The following IGF2R variants were observed in gnomAD, a reference collection of about 807,000 sequenced individuals.
The protein encoded by IGF2R is insulin like growth factor 2 receptor, also known as cation-independent mannose-6-phosphate receptor.
A neutral mutation model predicts 270.6 loss-of-function variants in IGF2R; 91 were observed. The observed-to-expected ratio is 0.34, with a 90% CI of 0.28 to 0.40. The LOEUF (loss-of-function observed/expected upper bound fraction) is 0.40. Among genes scored for constraint, IGF2R ranks in the 10% least tolerant of loss-of-function variants. IGF2R has a pLI of 1.00. For missense variants in IGF2R, 2,805 were observed against 3,188.3 expected, an observed-to-expected ratio of 0.88 and a Z score of 2.90; for synonymous variants, 1,316 against 1,258.9, an observed-to-expected ratio of 1.05 and a Z score of -0.96.
chr6:160,080,153 T>G lies in IGF2R; in HGVS notation c.5711T>G (p.Val1904Gly). ...PPETDDGVPC[V>G]FPFIFNGKSY... ...GAAACCGATGACGGCGTCCCCTGTGTCTTCCCCTTCATATTCAATGGGAAG... is the reference window on the plus strand; with the variant it reads ...GAAACCGATGACGGCGTCCCCTGTGGCTTCCCCTTCATATTCAATGGGAAG... The change falls in exon 39 of 48, where the codon GTC becomes GGC. Residue 1904 changes from valine (V) to glycine (G), a missense_variant. By Grantham distance (109) the Val-to-Gly change is moderately radical. Around this residue, in one of 2 missense-constraint regions of IGF2R, gnomAD observed 1,851 missense variants for 2,207.2 expected, o/e 0.84. Coordinates refer to ENST00000356956, the MANE Select transcript of IGF2R (RefSeq NM_000876.4). The G allele has an allele frequency of 6.2e-7, 1 of 1,614,188 alleles. No homozygotes were observed. Among genetic ancestry groups the G allele is most frequent in the South Asian group, 1.1e-5 (1 of 91,084 alleles).
Position 160,045,788 on chromosome 6 carries a change from C to A in IGF2R, c.1809C>A (p.Gly603=), listed in dbSNP as rs139665293. 4.7e-5 allele frequency: 76 copies of A among 1,613,800 alleles called. No homozygotes were observed. The highest frequency in any genetic ancestry group is 6.1e-5 in the Non-Finnish European group (72 of 1,179,902). The change falls in exon 14 of 48, where the codon GGC becomes GGA. Residue 603 remains glycine (G), a synonymous_variant. Coordinates refer to ENST00000356956, the MANE Select transcript of IGF2R (RefSeq NM_000876.4). ...SAPVLRTSGE[G]GCFYEFEWHT... ...CAGTGTTGAGAACTTCTGGGGAAGGCGGTTGCTTTTATGAGTTTGAGTGGC... is the reference window on the plus strand; with the variant it reads ...CAGTGTTGAGAACTTCTGGGGAAGGAGGTTGCTTTTATGAGTTTGAGTGGC...
intron 36 of IGF2R, among the ~76,000 whole-genome samples, chr6:160,076,473 A>G (rs1339182355): frequency 1.3e-5 from 2 of 152,246 alleles, no homozygotes; most frequent in Non-Finnish European, 2.9e-5. Context: ...TTTTATGTGC[A>G]TTAAAAAAAG....
chr6:160,016,171 G>A (rs1294475328), intron 4 of IGF2R, among the ~76,000 whole-genome samples: 1 of 152,184 alleles, frequency 6.6e-6, no homozygotes, highest in African/African-American at 2.4e-5. Context: ...CTGAGTTAAG[G>A]GCATTAGAAC....
chr6:160,047,758 T>C, intron 16 of IGF2R, 34 bp from the exon 17 acceptor site: 2 of 1,302,618 alleles, frequency 1.5e-6, no homozygotes, highest in Non-Finnish European at 2.2e-6. Context: ...TCTTTCTCTT[T>C]TTGCCATCCC....
chr6:160,085,077 A>T lies in IGF2R; in HGVS notation c.6151A>T (p.Thr2051Ser). Residue 2051 changes from threonine (T) to serine (S), a missense_variant, in exon 41 of 48, where the codon ACT (threonine) becomes TCT (serine). Thr to Ser is a moderately conservative substitution (Grantham distance 58). Around this residue, in one of 2 missense-constraint regions of IGF2R, gnomAD observed 1,851 missense variants for 2,207.2 expected, o/e 0.84. Transcript: ENST00000356956. ...ERASICRRTTTGDVQVLGLVH... is the reference protein window; with the variant it reads ...ERASICRRTTSGDVQVLGLVH... ...GGCCAGCATTTGCAGAAGGACCACA[A>T]CTGGTGACGTCCAGGTCCTGGGACT... 6.2e-7 allele frequency: 1 copy of T among 1,614,052 alleles called. No individual in the cohort carries two copies. The highest frequency in any genetic ancestry group is 1.7e-5 in the Admixed American group (1 of 60,018).
chr6:160,105,143 A>G lies in IGF2R; in HGVS notation c.*59A>G, dbSNP rs932746332. 2 of 1,362,180 alleles carry G rather than the reference A, an allele frequency of 1.5e-6. No individual in the cohort carries two copies. Among genetic ancestry groups the G allele is most frequent in the Non-Finnish European group, 9.8e-7 (1 of 1,016,206 alleles). The allele number at this position is 1,362,180 out of a possible 1,614,324, so 84.4% of individuals were successfully genotyped here. A position where few individuals can be genotyped will look rare whatever the true frequency, so the allele number is the denominator to read the frequency against. Reference sequence around the variant, plus strand: ...GGGACAGCCAAGCACCTCCAACCAAATAAGACTTCCACTCGATGATGCTTC... The same window carrying G: ...GGGACAGCCAAGCACCTCCAACCAAGTAAGACTTCCACTCGATGATGCTTC... On this transcript the variant is annotated 3_prime_UTR_variant, in exon 48 of 48. Transcript: ENST00000356956.
In IGF2R at chr6:160,050,155, T is replaced by C. The variant is rs943187636; in HGVS notation, c.2515-318T>C. Among the ~76,000 whole-genome samples the C allele has an allele frequency of 6.6e-6, 1 of 152,228 alleles. No homozygotes were observed. The highest frequency in any genetic ancestry group is 1.5e-5 in the Non-Finnish European group (1 of 68,048). ...ACACGATTATTGAACGAAAGCCTTA[T>C]GATTCCAATGCCAGTGATTCTTTCT... On this transcript the variant is annotated intron_variant, in intron 18 of 47. Coordinates refer to ENST00000356956, the MANE Select transcript of IGF2R (RefSeq NM_000876.4). The surrounding 1 kb of genome is among the most constrained non-coding windows in gnomAD (Gnocchi z 4.0).
At chr6:160,064,641 G>A in intron 28 of IGF2R, 110 bp downstream of exon 28, 1 of 1,304,574 alleles carries the variant, frequency 7.7e-7, no homozygotes, top group Non-Finnish European at 1.1e-6. Context: ...CTGGTTAACT[G>A]AGTTTAAAAT....
rs150408462 is a variant in IGF2R at position 160,065,713 on chromosome 6, A to C, written c.4115+812A>C. ...ATGTGAGGCTGCCTTCAGTTTTCTGATATTTATATACAAGGAATAAAATTT... is the reference window on the plus strand; with the variant it reads ...ATGTGAGGCTGCCTTCAGTTTTCTGCTATTTATATACAAGGAATAAAATTT... On this transcript the variant is annotated intron_variant, in intron 29 of 47. Coordinates refer to ENST00000356956, the MANE Select transcript of IGF2R (RefSeq NM_000876.4). 5.4e-3 allele frequency among the ~76,000 whole-genome samples: 807 copies of C among 150,364 alleles called. 8 individuals are homozygous for C. The highest frequency in any genetic ancestry group is 0.019 in the African/African-American group (779 of 40,784).
chr6:159,997,167 G>C (rs1013777402), intron 2 of IGF2R, among the ~76,000 whole-genome samples: 2 of 152,192 alleles, frequency 1.3e-5, no homozygotes, highest in African/African-American at 4.8e-5. Context: ...CTGGGCACAG[G>C]AAAGTGCATG....
chr6:159,999,083 A>C (rs1230926463), intron 2 of IGF2R, among the ~76,000 whole-genome samples: 2 of 152,174 alleles, frequency 1.3e-5, no homozygotes, highest in African/African-American at 2.4e-5. Context: ...TCAGAAAGAA[A>C]CATTTAATAC....
At chr6:159,971,746 C>T (rs1783612514) in intron 1 of IGF2R, among the ~76,000 whole-genome samples, 1 of 152,214 alleles carries the variant, frequency 6.6e-6, no homozygotes, top group South Asian at 2.1e-4. Context: ...CTCCTGGGCT[C>T]AGGCAGTCCT....
intron 8 of IGF2R, 27 bp from the exon 9 acceptor site, chr6:160,032,915 T>C (rs1206257805): frequency 6.4e-7 from 1 of 1,553,898 alleles, no homozygotes; most frequent in Non-Finnish European, 8.8e-7. Flanking sequence ...AAAACAAGCC[T>C]CTTCTTGTTA....
At chr6:160,046,376 A>G (rs1157338933) in intron 14 of IGF2R, 122 bp from the exon 15 acceptor site, 20 of 908,998 alleles carry the variant, frequency 2.2e-5, no homozygotes, top group Non-Finnish European at 3.1e-5. Context: ...TGCCTCCTCC[A>G]CTTCTTCCTG....
chr6:159,985,787 G>A (rs531469675), intron 1 of IGF2R, among the ~76,000 whole-genome samples: 32 of 152,326 alleles, frequency 2.1e-4, no homozygotes, highest in Non-Finnish European at 2.8e-4. Context: ...CCTTTGGAGT[G>A]CATTTGGATT....
intron 9 of IGF2R, among the ~76,000 whole-genome samples, chr6:160,033,520 C>T (rs408889): frequency 0.014 from 2,144 of 152,234 alleles, 52 homozygotes; most frequent in African/African-American, 0.048. Flanking sequence ...CCGTAAGGTA[C>T]GGGAGAATCA....
At chr6:159,980,220 A>AAGGAAGGAAGG (rs1783770028) in intron 1 of IGF2R, among the ~76,000 whole-genome samples, 1 of 135,812 alleles carries the variant, frequency 7.4e-6, no homozygotes, top group East Asian at 2.1e-4. Flanking sequence ...AGAAAGAAAG[A>AAGGAAGGAAGG]AAGAAAGAAA....
chr6:160,105,431 C>A lies in IGF2R; in HGVS notation c.*347C>A. The A allele has an allele frequency of 5.1e-6, 1 of 196,706 alleles. No homozygotes were observed. Among genetic ancestry groups the A allele is most frequent in the Non-Finnish European group, 1.0e-5 (1 of 96,858 alleles). The allele number at this position is 196,706 out of a possible 1,614,324, so 12.2% of individuals were successfully genotyped here. On this transcript the variant is annotated 3_prime_UTR_variant, in exon 48 of 48. Coordinates refer to ENST00000356956, the MANE Select transcript of IGF2R (RefSeq NM_000876.4). ...GCTTTAGTCCCGATAGGGTATTTGA[C>A]CCCGATATATTTTAGCATTTTAATT...
At chr6:160,074,087 G>A in intron 35 of IGF2R, 112 bp downstream of exon 35, 1 of 726,252 alleles carries the variant, frequency 1.4e-6, no homozygotes, top group Non-Finnish European at 2.3e-6. Flanking sequence ...AAAAAATGGA[G>A]AAAGTAAGTG....
Sources: allele counts gnomAD v4.1 joint callset (sites outside exome capture counted in the v4.1 genomes callset), GRCh38; gene constraint gnomAD v4.1.1; regional missense constraint gnomAD v4.1.1; non-coding constraint Gnocchi (gnomAD v3.1); transcripts MANE v1.5; gene names NCBI Gene and HGNC (gene_info 2026-07-23, HGNC 2026-07-21).